Variants in DCHS2 observed in about 807,000 individuals in gnomAD.
DCHS2 encodes dachsous cadherin-related 2, also known as protocadherin-23.
A neutral mutation model predicts 182.4 loss-of-function variants in DCHS2; 142 were observed. The observed-to-expected ratio is 0.78, with a 90% CI of 0.68 to 0.89. The LOEUF (loss-of-function observed/expected upper bound fraction) is 0.89. Among genes scored for constraint, DCHS2 ranks in the 40% least tolerant of loss-of-function variants. The pLI, the probability that DCHS2 is intolerant of heterozygous loss-of-function variation, is 0.00. For missense variants in DCHS2, 4,319 were observed against 4,198.6 expected (o/e 1.03, Z -0.79); for synonymous variants, 1,740 against 1,663.3 (o/e 1.05, Z -1.12).
At chr4:154,308,190 C>A (rs996022867) in intron 10 of DCHS2, among the ~76,000 whole-genome samples, 1 of 151,486 alleles carries the variant, frequency 6.6e-6, no homozygotes, top group Non-Finnish European at 1.5e-5. Flanking sequence ...ATAAAGTCTA[C>A]TGGCCATTTC....
intron 3 of DCHS2, among the ~76,000 whole-genome samples, chr4:154,338,827 C>T (rs1419923737): frequency 1.3e-5 from 2 of 152,018 alleles, no homozygotes; most frequent in African/African-American, 2.4e-5. Flanking sequence ...AAGTTGCAAA[C>T]GTGAGTCTAT....
At chr4:154,360,077 AC>A (rs1730047230) in intron 3 of DCHS2, among the ~76,000 whole-genome samples, 1 of 152,074 alleles carries the variant, frequency 6.6e-6, no homozygotes, top group Non-Finnish European at 1.5e-5. Context: ...TGAGTAAGTC[AC>A]TAAGAATTTT....
At chr4:154,300,932 G>A (rs139328121) in intron 12 of DCHS2, among the ~76,000 whole-genome samples, 5,718 of 152,256 alleles carry the variant, frequency 0.038, 147 homozygotes, top group Non-Finnish European at 0.058. Flanking sequence ...TGAGGGCTGA[G>A]TACAGCTAGG....
rs151249445 is a variant in DCHS2, at chr4:154,303,317, C to A, written c.5605+1352G>T. ...TATTTTTAAGGTTTTTTTATTCTAT[C>A]AAATACTTTTAAAAGGTGATTGATA... is the stretch of plus-strand genomic sequence containing the variant. On this transcript the variant is annotated intron_variant, in intron 12 of 19. Transcript: ENST00000357232. Among the ~76,000 whole-genome samples, 207 of 152,008 alleles carry A rather than the reference C, an allele frequency of 1.4e-3. 1 individual carries two copies. Among genetic ancestry groups the A allele is most frequent in the African/African-American group, 4.6e-3 (190 of 41,460 alleles).
intron 1 of DCHS2, among the ~76,000 whole-genome samples, chr4:154,387,612 T>A (rs1446860124): frequency 2.0e-5 from 3 of 152,084 alleles, no homozygotes; most frequent in Non-Finnish European, 4.4e-5. Flanking sequence ...ATTTGGCTGA[T>A]CCTTACATTG....
intron 13 of DCHS2, among the ~76,000 whole-genome samples, chr4:154,296,047 T>C (rs1407420478): frequency 6.6e-6 from 1 of 152,222 alleles, no homozygotes; most frequent in Non-Finnish European, 1.5e-5. Flanking sequence ...TTAATCGGGG[T>C]ATCAATATCA....
At chr4:154,323,817 C>A (rs1736174881) in intron 7 of DCHS2, among the ~76,000 whole-genome samples, 1 of 151,978 alleles carries the variant, frequency 6.6e-6, no homozygotes, top group Non-Finnish European at 1.5e-5. Flanking sequence ...TGGGTCTCAT[C>A]CCCAAGATAT....
intron 4 of DCHS2, 95 bp downstream of exon 4, chr4:154,334,773 A>G (rs1728708550): frequency 9.8e-7 from 1 of 1,019,764 alleles, no homozygotes; most frequent in Non-Finnish European, 1.5e-6. Flanking sequence ...TTGCGTGGAA[A>G]GAAGAAAAAA....
chr4:154,426,213 G>T (rs1733318013), intron 1 of DCHS2, among the ~76,000 whole-genome samples: 1 of 152,110 alleles, frequency 6.6e-6, no homozygotes, highest in Admixed American at 6.5e-5. Flanking sequence ...ACTAACAGGT[G>T]ACAAAAAATT....
intron 3 of DCHS2, among the ~76,000 whole-genome samples, chr4:154,343,924 T>C (rs1407127619): frequency 3.3e-5 from 5 of 152,212 alleles, no homozygotes; most frequent in Non-Finnish European, 5.9e-5. Flanking sequence ...CATATCTAGC[T>C]TTTGATTTAA....
intron 1 of DCHS2, among the ~76,000 whole-genome samples, chr4:154,398,132 T>G (rs888392109): frequency 6.6e-6 from 1 of 152,246 alleles, no homozygotes; most frequent in Admixed American, 6.5e-5. Flanking sequence ...CTATGTTTTC[T>G]AAGAGATTCT....
chr4:154,491,729 AAGG>A lies in DCHS2; in HGVS notation c.-377_-375del, dbSNP rs1210347427. The stretch of plus-strand genomic sequence containing the variant: ...CAGGTGCATTATTTCTTTTGCCAAA[AAGG>A]AGGAGATTATATGAAGCGCGCACAC... On this transcript the variant is annotated 5_prime_UTR_variant, in exon 1 of 20. Transcript: ENST00000357232. 3.8e-6 allele frequency: 4 copies of A among 1,044,484 alleles called. No individual in the cohort carries two copies. The highest frequency in any genetic ancestry group is 3.4e-5 in the African/African-American group (2 of 59,096). The allele number at this position is 1,044,484 out of a possible 1,614,324, so 64.7% of individuals were successfully genotyped here. A position where few individuals can be genotyped will look rare whatever the true frequency, so the allele number is the denominator to read the frequency against.
chr4:154,298,123 T>A lies in DCHS2; in HGVS notation c.6191A>T (p.Asp2064Val). Reference sequence around the variant, plus strand: ...AGTTCCATTGGGCCCCAAGTCCAGGTCATCAGCTCTCACAATGACAGTTGT... The same window carrying A: ...AGTTCCATTGGGCCCCAAGTCCAGGACATCAGCTCTCACAATGACAGTTGT... ...NQTTVIVRAD[D>V]LDLGPNGTVV... The change falls in exon 13 of 20, where the codon GAC becomes GTC. Residue 2064 changes from aspartate (D) to valine (V), a missense_variant. By Grantham distance (152) the Asp-to-Val change is radical. Coordinates refer to ENST00000357232, the MANE Select transcript of DCHS2 (RefSeq NM_001358235.2). The A allele has an allele frequency of 6.2e-7, 1 of 1,614,118 alleles. No homozygotes were observed.
intron 1 of DCHS2, among the ~76,000 whole-genome samples, chr4:154,377,940 C>T (rs1730987831): frequency 6.6e-6 from 1 of 152,122 alleles, no homozygotes; most frequent in Admixed American, 6.6e-5. Context: ...TTACTAGAAA[C>T]CCAATCCCAG....
intron 7 of DCHS2, chr4:154,323,165 G>T (rs947042066): frequency 6.5e-7 from 1 of 1,534,660 alleles, no homozygotes; most frequent in Non-Finnish European, 8.8e-7. Context: ...CATCTCCAAC[G>T]TGTAGCATAA....
intron 13 of DCHS2, among the ~76,000 whole-genome samples, chr4:154,291,537 G>T (rs1400132444): frequency 1.3e-5 from 2 of 152,060 alleles, no homozygotes; most frequent in Non-Finnish European, 2.9e-5. Context: ...AGATTTGGAA[G>T]CAACTTAAGT....
At chr4:154,322,302 C>T in intron 8 of DCHS2, 29 bp downstream of exon 8, 11 of 1,611,010 alleles carry the variant, frequency 6.8e-6, no homozygotes, top group Non-Finnish European at 9.3e-6. Flanking sequence ...CTTTAGATGT[C>T]CTTCCATATT....
intron 7 of DCHS2, among the ~76,000 whole-genome samples, chr4:154,327,131 C>T (rs939421777): frequency 4.6e-5 from 7 of 152,062 alleles, no homozygotes; most frequent in African/African-American, 1.7e-4. Flanking sequence ...GAGACAGATC[C>T]TATCTGTGTT....
At chr4:154,427,794 C>A (rs910138657) in intron 1 of DCHS2, among the ~76,000 whole-genome samples, 1 of 152,142 alleles carries the variant, frequency 6.6e-6, no homozygotes, top group Non-Finnish European at 1.5e-5. Context: ...GTCAGAGAGA[C>A]CTGGGGAAAA....
Sources: allele counts gnomAD v4.1 joint callset (sites outside exome capture counted in the v4.1 genomes callset), GRCh38; gene constraint gnomAD v4.1.1; transcripts MANE v1.5; gene names NCBI Gene and HGNC (gene_info 2026-07-23, HGNC 2026-07-21).